Variants in DLG2 observed in about 807,000 individuals in gnomAD.
The protein encoded by DLG2 is discs large MAGUK scaffold protein 2, also known as disks large homolog 2.
Under a neutral mutation model 132.5 loss-of-function variants are expected in DLG2, and 45 were observed. That is an observed-to-expected ratio of 0.34 (90% CI 0.27 to 0.44). DLG2 has a LOEUF of 0.44. DLG2 is among the 20% of genes least tolerant of loss of function. The probability of loss-of-function intolerance (pLI) is 1.00; values close to 1 mark genes in which losing one functional copy is unlikely to be tolerated. For synonymous variants in DLG2, 424 were observed against 419.6 expected (o/e 1.01, Z -0.13); for missense variants, 1,045 against 1,196.9 (o/e 0.87, Z 1.87).
At chr11:84,206,691 A>G (rs2154304531) in intron 8 of DLG2, among the ~76,000 whole-genome samples, 1 of 152,166 alleles carries the variant, frequency 6.6e-6, no homozygotes, top group Admixed American at 6.5e-5. Flanking sequence ...GTATCTTTAT[A>G]CCTATTTGTG....
chr11:85,093,563 G>T (rs1205604273), intron 6 of DLG2, among the ~76,000 whole-genome samples: 3 of 152,190 alleles, frequency 2.0e-5, no homozygotes, highest in African/African-American at 7.2e-5. Context: ...GCTCCACATG[G>T]CTGGGGAGGC....
chr11:83,753,872 T>TC lies in DLG2; in HGVS notation c.1825+32817_1825+32818insG, dbSNP rs1273041454. Among the ~76,000 whole-genome samples, 857 of 92,960 alleles carry TC rather than the reference T, an allele frequency of 9.2e-3. 96 individuals are homozygous for TC. Among genetic ancestry groups the TC allele is most frequent in the African/African-American group, 0.052 (789 of 15,070 alleles). 61.0% of individuals were successfully genotyped at this position (92,960 alleles called of 152,430 possible). A position where few individuals can be genotyped will look rare whatever the true frequency, so the allele number is the denominator to read the frequency against. On this transcript the variant is annotated intron_variant, in intron 18 of 27. Coordinates refer to ENST00000376104, the MANE Select transcript of DLG2 (RefSeq NM_001142699.3). Reference sequence around the variant, plus strand: ...ATATATCATATATATATTTCATATATATGATATATATCATATATATCATAT... The same window carrying TC: ...ATATATCATATATATATTTCATATATCATGATATATATCATATATATCATAT...
rs903663534 is a variant in DLG2 at position 83,764,502 on chromosome 11, T to G, written c.1825+22188A>C. ...AAGGCAAATGTCACTGACCTTGCTG[T>G]GGTGGTGAGGTTGGATGGGAGTTAC... On this transcript the variant is annotated intron_variant, in intron 18 of 27. Coordinates refer to ENST00000376104, the MANE Select transcript of DLG2 (RefSeq NM_001142699.3). Among the ~76,000 whole-genome samples the G allele has an allele frequency of 2.0e-5, 3 of 152,306 alleles. No homozygotes were observed. In the East Asian group the frequency reaches 5.8e-4, roughly 29 times the overall value.
At chr11:84,217,497 T>G (rs896250554) in intron 8 of DLG2, among the ~76,000 whole-genome samples, 2 of 152,188 alleles carry the variant, frequency 1.3e-5, no homozygotes, top group Admixed American at 1.3e-4. Flanking sequence ...AACTTGTGAG[T>G]CCATTAAACC....
intron 4 of DLG2, among the ~76,000 whole-genome samples, chr11:85,161,026 T>G (rs995071604): frequency 6.6e-6 from 1 of 152,202 alleles, no homozygotes; most frequent in Non-Finnish European, 1.5e-5. Context: ...GCCAATGGTT[T>G]GGCTAGATGG....
chr11:83,501,202 CTT>C (rs66954557), intron 21 of DLG2, among the ~76,000 whole-genome samples: 4 of 137,604 alleles, frequency 2.9e-5, no homozygotes, highest in African/African-American at 5.3e-5. Context: ...TTTTTCTTTT[CTT>C]TTTTTTTTTT....
chr11:85,490,923 T>C (rs1325302743), intron 3 of DLG2, among the ~76,000 whole-genome samples: 1 of 152,110 alleles, frequency 6.6e-6, no homozygotes. Context: ...ATTCAATCTA[T>C]GAGGCCGGTA....
At chr11:84,077,036 C>G (rs546440395) in intron 10 of DLG2, among the ~76,000 whole-genome samples, 4 of 152,284 alleles carry the variant, frequency 2.6e-5, no homozygotes, top group African/African-American at 9.6e-5. Flanking sequence ...CATTTAATCT[C>G]TCTATATTCT....
intron 18 of DLG2, among the ~76,000 whole-genome samples, chr11:83,701,952 TAGTC>T (rs2083027087): frequency 1.3e-5 from 2 of 152,230 alleles, no homozygotes; most frequent in South Asian, 4.1e-4. Flanking sequence ...AGTTGAGAGA[TAGTC>T]AGCATTGCCC....
At chr11:84,130,735 C>A (rs1158331230) in intron 9 of DLG2, among the ~76,000 whole-genome samples, 3 of 151,720 alleles carry the variant, frequency 2.0e-5, no homozygotes, top group Non-Finnish European at 4.4e-5. Flanking sequence ...CCACTGCTCT[C>A]CAAAACAGAC....
intron 3 of DLG2, among the ~76,000 whole-genome samples, chr11:85,460,147 GA>G: frequency 6.6e-6 from 1 of 152,318 alleles, no homozygotes; most frequent in Non-Finnish European, 1.5e-5. Flanking sequence ...AAATGCAGTG[GA>G]GGTGAAGCCT....
intron 6 of DLG2, among the ~76,000 whole-genome samples, chr11:85,037,429 T>A (rs1593067286): frequency 6.6e-6 from 1 of 152,180 alleles, no homozygotes; most frequent in East Asian, 1.9e-4. Context: ...AATAATGGTA[T>A]GAAAACTGAC....
At chr11:85,592,290 CT>C (rs1203756794) in intron 3 of DLG2, among the ~76,000 whole-genome samples, 1 of 152,160 alleles carries the variant, frequency 6.6e-6, no homozygotes, top group African/African-American at 2.4e-5. Context: ...CACTTGTACT[CT>C]TTTTATTTAA....
At chr11:83,940,614 T>C (rs992028617) in intron 14 of DLG2, among the ~76,000 whole-genome samples, 1 of 152,218 alleles carries the variant, frequency 6.6e-6, no homozygotes, top group African/African-American at 2.4e-5. Flanking sequence ...TTAAACACTT[T>C]CTGTAGTATA....
At chr11:84,994,868 C>T (rs2057479779) in intron 6 of DLG2, among the ~76,000 whole-genome samples, 1 of 152,154 alleles carries the variant, frequency 6.6e-6, no homozygotes, top group Non-Finnish European at 1.5e-5. Flanking sequence ...TAGGGCCTCT[C>T]TCATGATATC....
intron 11 of DLG2, among the ~76,000 whole-genome samples, chr11:84,041,387 A>G (rs1726603064): frequency 6.6e-6 from 1 of 151,968 alleles, no homozygotes; most frequent in Non-Finnish European, 1.5e-5. Flanking sequence ...AGAATATGGA[A>G]CAATTTATAC....
chr11:83,683,598 ATTGTT>A (rs1301328979), intron 18 of DLG2, among the ~76,000 whole-genome samples: 60 of 152,160 alleles, frequency 3.9e-4, no homozygotes, highest in African/African-American at 1.4e-3. Flanking sequence ...TAAAACGCAG[ATTGTT>A]TTATCTGTAA....
intron 6 of DLG2, among the ~76,000 whole-genome samples, chr11:84,563,059 T>C (rs964566262): frequency 5.3e-5 from 8 of 152,222 alleles, no homozygotes. Context: ...TCAACTCCAT[T>C]TACGTAAGTT....
intron 16 of DLG2, among the ~76,000 whole-genome samples, chr11:83,860,503 C>T (rs2061282656): frequency 6.6e-6 from 1 of 152,150 alleles, no homozygotes; most frequent in African/African-American, 2.4e-5. Context: ...CCAATTTCTC[C>T]CATTGAGAAT....
Sources: gnomAD v4.1 joint callset for allele counts (sites outside exome capture counted in the v4.1 genomes callset) on GRCh38, gnomAD v4.1.1 for gene constraint, MANE v1.5 for transcripts, NCBI Gene and HGNC (gene_info 2026-07-23, HGNC 2026-07-21) for gene names.